The following GNB5 variants were observed in gnomAD, a reference collection of about 807,000 sequenced individuals.
The protein encoded by GNB5 is guanine nucleotide-binding protein subunit beta-5.
GNB5 carries 37 observed loss-of-function variants against 55.3 expected under a neutral mutation model. That is an observed-to-expected ratio of 0.67 (90% CI 0.51 to 0.88). The LOEUF (loss-of-function observed/expected upper bound fraction) is 0.88, where lower values mean the gene tolerates loss of function less well. Among genes scored for constraint, GNB5 ranks in the 40% least tolerant of loss-of-function variants. The pLI is 0.00. For synonymous variants in GNB5, 219 were observed against 198.5 expected (o/e 1.10, Z -0.87); for missense variants, 476 against 515.3 (o/e 0.92, Z 0.74).
intron 3 of GNB5, among the ~76,000 whole-genome samples, chr15:52,164,523 G>A (rs2034410147): frequency 6.6e-6 from 1 of 151,920 alleles, no homozygotes; most frequent in Non-Finnish European, 1.5e-5. Flanking sequence ...AGTTACTCAG[G>A]AGACTGAGGC....
chr15:52,139,797 G>T (rs777138353), intron 7 of GNB5: 75 of 1,238,144 alleles, frequency 6.1e-5, no homozygotes, highest in Non-Finnish European at 7.7e-5. Context: ...TGTTGGAAAA[G>T]AAAGCACTTT....
intron 7 of GNB5, among the ~76,000 whole-genome samples, chr15:52,139,272 T>C (rs1378951367): frequency 2.0e-5 from 3 of 152,066 alleles, no homozygotes; most frequent in African/African-American, 7.2e-5. Context: ...CAAGACCCCA[T>C]CACTACAAAA....
chr15:52,124,076 T>G (rs1035771785), intron 12 of GNB5, among the ~76,000 whole-genome samples: 4 of 151,184 alleles, frequency 2.6e-5, no homozygotes, highest in African/African-American at 7.3e-5. Flanking sequence ...CCTGGATTTG[T>G]GACCCTTGTC....
At chr15:52,154,181 G>T in intron 3 of GNB5, 105 bp from the exon 4 acceptor site, 1 of 1,009,262 alleles carries the variant, frequency 9.9e-7, no homozygotes, top group South Asian at 1.8e-5. Context: ...CGGCCCCATG[G>T]GCTTCCTCCA....
chr15:52,182,149 T>C (rs935888963), intron 2 of GNB5, among the ~76,000 whole-genome samples: 2 of 152,226 alleles, frequency 1.3e-5, no homozygotes, highest in East Asian at 1.9e-4. Flanking sequence ...AGACTCTGTA[T>C]GGCATTCGGA....
In GNB5 at chr15:52,165,058, C is replaced by T. The variant is rs529239208; in HGVS notation, c.239-10982G>A. Among the ~76,000 whole-genome samples, 10 of 152,214 alleles carry T rather than the reference C, an allele frequency of 6.6e-5. No homozygotes were observed. The South Asian group carries it at 1.7e-3, about 25-fold the overall frequency. On this transcript the variant is annotated intron_variant, in intron 3 of 12. Coordinates refer to ENST00000261837, the MANE Select transcript of GNB5 (RefSeq NM_016194.4). The stretch of plus-strand genomic sequence containing the variant: ...TGAAAGATACAACATAAGAATGTCA[C>T]GATGCAATCACAAGTAACAACAGCT...
chr15:52,141,244 G>C lies in GNB5; in HGVS notation c.523C>G (p.Pro175Ala). The C allele has an allele frequency of 6.2e-7, 1 of 1,613,446 alleles. No individual in the cohort carries two copies. The change falls in exon 7 of 13, where the codon CCC becomes GCC. Residue 175 changes from proline to alanine, a missense_variant. Pro to Ala is a conservative substitution (Grantham distance 27, BLOSUM62 -1). Coordinates refer to ENST00000261837, the MANE Select transcript of GNB5 (RefSeq NM_016194.4). ...GGLDNKCSVY[P>A]LTFDKNENMA... ...TTTTCATTTTTGTCAAACGTCAAGG[G>C]GTACACAGAACACTTATTATCCAAA... is the stretch of plus-strand genomic sequence containing the variant.
chr15:52,186,541 G>A (rs1017274251), intron 1 of GNB5, among the ~76,000 whole-genome samples: 44 of 152,292 alleles, frequency 2.9e-4, no homozygotes, highest in Middle Eastern at 3.4e-3. Flanking sequence ...TTGGGAGACC[G>A]AGGGGTTATG....
chr15:52,132,636 A>ATTTTTTTTTTTT (rs1216272462), intron 9 of GNB5, among the ~76,000 whole-genome samples: 4,185 of 133,834 alleles, frequency 0.031, 142 homozygotes, highest in Non-Finnish European at 0.045. Flanking sequence ...TGCCCTGCTA[A>ATTTTTTTTTTTT]TTTTTTTTTT....
At chr15:52,130,687 A>T (rs764075150) in intron 9 of GNB5, among the ~76,000 whole-genome samples, 15 of 152,242 alleles carry the variant, frequency 9.9e-5, no homozygotes, top group Non-Finnish European at 1.5e-4. Flanking sequence ...TCCCTCACAC[A>T]GGAGGGCACC....
intron 1 of GNB5, among the ~76,000 whole-genome samples, chr15:52,188,063 T>A (rs1046464172): frequency 6.6e-6 from 1 of 152,242 alleles, no homozygotes; most frequent in African/African-American, 2.4e-5. Context: ...GTTGGCATTT[T>A]ATGTTTTCCT....
intron 3 of GNB5, among the ~76,000 whole-genome samples, chr15:52,166,332 T>A (rs2034450101): frequency 6.6e-6 from 1 of 152,178 alleles, no homozygotes; most frequent in Admixed American, 6.5e-5. Context: ...CAGCTCTGGA[T>A]GAAGTGGACC....
chr15:52,179,757 C>T lies in GNB5; in HGVS notation c.238+11G>A, dbSNP rs1472351026. 3 of 1,461,710 alleles carry T rather than the reference C, an allele frequency of 2.1e-6. No homozygotes were observed. Among genetic ancestry groups the T allele is most frequent in the Non-Finnish European group, 2.7e-6 (3 of 1,103,064 alleles). 90.5% of individuals were successfully genotyped at this position (1,461,710 alleles called of 1,614,324 possible). ...CCGGCTTGCCCCGCCCGCCTCCCGG[C>T]CCGCACTCACGCTCCACATCGTGCA... On this transcript the variant is annotated intron_variant, in intron 3 of 12. Coordinates refer to ENST00000261837, the MANE Select transcript of GNB5 (RefSeq NM_016194.4).
At chr15:52,140,188 C>T in intron 7 of GNB5, 1 of 206,760 alleles carries the variant, frequency 4.8e-6, no homozygotes. Flanking sequence ...TCCCTCCTGA[C>T]ATCAATTCAC....
intron 9 of GNB5, among the ~76,000 whole-genome samples, chr15:52,130,124 G>A (rs1200742899): frequency 6.6e-6 from 1 of 152,178 alleles, no homozygotes; most frequent in Non-Finnish European, 1.5e-5. Flanking sequence ...AATGGGTTGC[G>A]AAGACAGAAT....
intron 1 of GNB5, among the ~76,000 whole-genome samples, chr15:52,190,771 A>C (rs2141247288): frequency 7.9e-6 from 1 of 126,894 alleles, no homozygotes; most frequent in African/African-American, 3.0e-5. Context: ...AATAATGCTT[A>C]TTTCCTTAAA....
intron 1 of GNB5, among the ~76,000 whole-genome samples, chr15:52,187,854 C>G (rs1339616869): frequency 6.6e-6 from 1 of 151,990 alleles, no homozygotes; most frequent in African/African-American, 2.4e-5. Context: ...GAGGCTGAGG[C>G]AGGAGAATTA....
chr15:52,147,741 C>T (rs1293794864), intron 5 of GNB5, among the ~76,000 whole-genome samples: 1 of 152,118 alleles, frequency 6.6e-6, no homozygotes, highest in Non-Finnish European at 1.5e-5. Flanking sequence ...CGCCACCATG[C>T]CAGGCTAATT....
At chr15:52,169,538 C>CAAAAAAAAAAAAAAAAAAAAAAAAAAA in intron 3 of GNB5, among the ~76,000 whole-genome samples, 1 of 71,496 alleles carries the variant, frequency 1.4e-5, no homozygotes, top group Non-Finnish European at 2.5e-5. Context: ...GACTCTGTCT[C>CAAAAAAAAAAAAAAAAAAAAAAAAAAA]AAAAAAAAAA....
Sources: allele counts gnomAD v4.1 joint callset (sites outside exome capture counted in the v4.1 genomes callset), GRCh38; gene constraint gnomAD v4.1.1; transcripts MANE v1.5; gene names NCBI Gene and HGNC (gene_info 2026-07-23, HGNC 2026-07-21).